The following HS1BP3 variants were observed in gnomAD, a reference collection of about 807,000 sequenced individuals.
HS1BP3 encodes the protein HCLS1-binding protein 3.
HS1BP3 carries 32 observed loss-of-function variants against 33.5 expected under a neutral mutation model. That is an observed-to-expected ratio of 0.95 (90% confidence interval 0.72 to 1.28). The LOEUF (loss-of-function observed/expected upper bound fraction) is 1.28, where lower values mean the gene tolerates loss of function less well. Ranked by LOEUF, HS1BP3 falls within the 50% of genes most tolerant of loss-of-function variation. HS1BP3 has a pLI of 0.00. For synonymous variants in HS1BP3, 187 were observed against 209.2 expected, an observed-to-expected ratio of 0.89 and a Z score of 0.92; for missense variants, 486 against 502.3, an observed-to-expected ratio of 0.97 and a Z score of 0.31.
In HS1BP3 at chr2:20,601,879, C is replaced by T. The variant is rs534342793; in HGVS notation, c.179-3614G>A. ...CTGCAAGCTCCGCCTTCCAGGTTCA[C>T]GCCATTCTCATATCTTGTAAGTTAT... is the stretch of plus-strand genomic sequence containing the variant. On this transcript the variant is annotated intron_variant, in intron 2 of 3. Transcript: ENST00000415264. Among the ~76,000 whole-genome samples, 6 of 144,080 alleles carry T rather than the reference C, an allele frequency of 4.2e-5. No homozygotes were observed. The South Asian group carries it at 6.7e-4, about 16-fold the overall frequency. 94.5% of individuals were successfully genotyped at this position (144,080 alleles called of 152,430 possible). A position where few individuals can be genotyped will look rare whatever the true frequency, so the allele number is the denominator to read the frequency against.
chr2:20,576,277 C>G (rs964422682), intron 5 of HS1BP3, among the ~76,000 whole-genome samples: 28 of 152,160 alleles, frequency 1.8e-4, no homozygotes, highest in Admixed American at 6.5e-4. Flanking sequence ...CCATTGCACC[C>G]GGCTATGTGA....
chr2:20,565,802 G>C (rs372400398), intron 5 of HS1BP3, among the ~76,000 whole-genome samples: 1 of 152,180 alleles, frequency 6.6e-6, no homozygotes. Flanking sequence ...AGGATATAGC[G>C]GGACAGCAGC....
chr2:20,597,117 C>T (rs1693960634), intron 3 of HS1BP3, among the ~76,000 whole-genome samples: 2 of 152,186 alleles, frequency 1.3e-5, no homozygotes, highest in African/African-American at 4.8e-5. Flanking sequence ...ATGACATGGC[C>T]TCAGAACATG....
chr2:20,554,504 C>T, the HS1BP3 span, among the ~76,000 whole-genome samples: 4 of 152,134 alleles, frequency 2.6e-5, no homozygotes, highest in Admixed American at 2.0e-4. Context: ...CGGCGGATCA[C>T]CTGAGGTCAG....
intron 5 of HS1BP3, among the ~76,000 whole-genome samples, chr2:20,577,881 T>C (rs536609905): frequency 6.6e-6 from 1 of 152,356 alleles, no homozygotes; most frequent in East Asian, 1.9e-4. Context: ...ATGATTCATA[T>C]GCTGATGTAT....
chr2:20,593,089 C>T (rs1693857622), intron 3 of HS1BP3, among the ~76,000 whole-genome samples: 1 of 152,014 alleles, frequency 6.6e-6, no homozygotes, highest in Non-Finnish European at 1.5e-5. Flanking sequence ...CCCTGTCCCC[C>T]CACTGTCCCC....
chr2:20,565,009 T>C (rs1693091916), intron 5 of HS1BP3, among the ~76,000 whole-genome samples: 1 of 152,076 alleles, frequency 6.6e-6, no homozygotes, highest in East Asian at 1.9e-4. Flanking sequence ...GCTCAGGAAG[T>C]GGAGAGGGAC....
chr2:20,571,870 A>G (rs550390021), intron 5 of HS1BP3, among the ~76,000 whole-genome samples: 1 of 152,286 alleles, frequency 6.6e-6, no homozygotes, highest in East Asian at 1.9e-4. Flanking sequence ...AATGCAGGCC[A>G]CTCAGGTGAC....
At chr2:20,567,885 T>A (rs142909037) in intron 5 of HS1BP3, among the ~76,000 whole-genome samples, 20 of 152,286 alleles carry the variant, frequency 1.3e-4, no homozygotes, top group African/African-American at 4.8e-4. Flanking sequence ...ATGATGCAGA[T>A]GTGGCTCCCA....
At chr2:20,631,834 C>T (rs111768666) in intron 4 of HS1BP3, among the ~76,000 whole-genome samples, 2,102 of 152,282 alleles carry the variant, frequency 0.014, 38 homozygotes, top group African/African-American at 0.046. Context: ...CTACATTCTA[C>T]AGCAAGCGCC....
intron 4 of HS1BP3, among the ~76,000 whole-genome samples, chr2:20,625,876 C>T (rs934032595): frequency 3.9e-5 from 6 of 152,174 alleles, no homozygotes; most frequent in African/African-American, 1.2e-4. Context: ...TAAGTGATAC[C>T]GCCAGTAAGT....
intron 3 of HS1BP3, chr2:20,639,987 C>T (rs925871953): frequency 6.6e-6 from 1 of 152,270 alleles, no homozygotes; most frequent in Non-Finnish European, 1.5e-5. Context: ...CTTGTCCAGT[C>T]CTAGGCCTGC....
At chr2:20,593,418 G>T (rs1050600112) in intron 3 of HS1BP3, among the ~76,000 whole-genome samples, 1 of 152,122 alleles carries the variant, frequency 6.6e-6, no homozygotes, top group Non-Finnish European at 1.5e-5. Flanking sequence ...CTAGAACAAC[G>T]CTTGACACTA....
intron 3 of HS1BP3, among the ~76,000 whole-genome samples, chr2:20,595,014 C>G (rs1558327273): frequency 6.6e-6 from 1 of 152,188 alleles, no homozygotes; most frequent in Non-Finnish European, 1.5e-5. Flanking sequence ...AAAAAACACT[C>G]AGATCATAGC....
chr2:20,624,896 G>A lies in HS1BP3; in HGVS notation c.624-4C>T. The A allele has an allele frequency of 6.2e-7, 1 of 1,613,500 alleles. No individual in the cohort carries two copies. The highest frequency in any genetic ancestry group is 1.1e-5 in the South Asian group (1 of 91,066). ...ATGTTTCTTGGGCTTCTTGGAGCTGGAGAATCACAGACAAAGCACAAGGTG... is the reference window on the plus strand; with the variant it reads ...ATGTTTCTTGGGCTTCTTGGAGCTGAAGAATCACAGACAAAGCACAAGGTG... On this transcript the variant is annotated splice_region_variant and splice_polypyrimidine_tract_variant and intron_variant, in intron 4 of 6. Transcript: ENST00000304031.
chr2:20,601,387 C>A lies in HS1BP3; in HGVS notation c.179-3122G>T, dbSNP rs569524766. Among the ~76,000 whole-genome samples the A allele has an allele frequency of 1.6e-4, 24 of 152,274 alleles. No homozygotes were observed. In the South Asian group the frequency reaches 4.8e-3, roughly 30 times the overall value. On this transcript the variant is annotated intron_variant, in intron 2 of 3. Transcript: ENST00000415264. ...CCGTCATCTTGGAAAAACACACATGCTTGTTAGAAGTGTGAATAAACTAAG... is the reference window on the plus strand; with the variant it reads ...CCGTCATCTTGGAAAAACACACATGATTGTTAGAAGTGTGAATAAACTAAG...
chr2:20,626,455 A>AT (rs1399640672), intron 4 of HS1BP3, among the ~76,000 whole-genome samples: 1 of 152,250 alleles, frequency 6.6e-6, no homozygotes, highest in Non-Finnish European at 1.5e-5. Context: ...ACAGCAGGGA[A>AT]GGGACAGGCA....
rs866891534 is a variant in HS1BP3 at position 20,575,765 on chromosome 2, C to A, written c.303-15250G>T. On this transcript the variant is annotated intron_variant, in intron 5 of 5. Transcript: ENST00000446825. ...GCCTCTGTCTCCTTGGTTCCACCCCCCCCCCCCCCTTCAGGCTACCCCAGC... is the reference window on the plus strand; with the variant it reads ...GCCTCTGTCTCCTTGGTTCCACCCCACCCCCCCCCTTCAGGCTACCCCAGC... Among the ~76,000 whole-genome samples, 46 of 9,768 alleles carry A rather than the reference C, an allele frequency of 4.7e-3. 1 individual carries two copies. The highest frequency in any genetic ancestry group is 5.2e-3 in the African/African-American group (42 of 8,142). The allele number at this position is 9,768 out of a possible 152,430, so 6.4% of individuals were successfully genotyped here.
At chr2:20,559,458 G>A (rs1339975064), downstream of HS1BP3, among the ~76,000 whole-genome samples, 1 of 152,136 alleles carries the variant, frequency 6.6e-6, no homozygotes, top group East Asian at 1.9e-4. Context: ...AGATGGGTGG[G>A]TGGATGGATG....
Sources: allele counts gnomAD v4.1 joint callset (sites outside exome capture counted in the v4.1 genomes callset), GRCh38; gene constraint gnomAD v4.1.1; transcripts MANE v1.5; gene names NCBI Gene and HGNC (gene_info 2026-07-23, HGNC 2026-07-21).